MARF1: variants seen among roughly 807,000 people sequenced by gnomAD.
MARF1 encodes the protein meiosis regulator and mRNA stability factor 1, also known as limkain-b1.
A neutral mutation model predicts 168.2 loss-of-function variants in MARF1; 24 were observed. The ratio of observed to expected loss-of-function variants is 0.14; its 90% CI spans 0.10 to 0.20. MARF1 has a LOEUF of 0.20. Ranked by LOEUF, MARF1 falls within the 10% of genes least tolerant of loss-of-function variation. The pLI, the probability that MARF1 is intolerant of heterozygous loss-of-function variation, is 1.00. For missense variants in MARF1, 1,744 were observed against 2,143.6 expected (o/e 0.81, Z 3.68); for synonymous variants, 868 against 822.4 (o/e 1.06, Z -0.95).
At chr16:15,631,287 T>A in intron 6 of MARF1, 94 bp downstream of exon 6, 1 of 843,368 alleles carries the variant, frequency 1.2e-6, no homozygotes. Flanking sequence ...TCAGCCTCTT[T>A]GGGGATACAT....
intron 13 of MARF1, among the ~76,000 whole-genome samples, chr16:15,620,235 G>A (rs1158732279): frequency 1.3e-5 from 2 of 152,144 alleles, no homozygotes; most frequent in East Asian, 3.9e-4. Context: ...GGAAAAATAA[G>A]CACAACACTG....
intron 2 of MARF1, 78 bp downstream of exon 2, chr16:15,639,012 T>C (rs2035775611): frequency 3.5e-6 from 5 of 1,428,754 alleles, no homozygotes; most frequent in Non-Finnish European, 4.8e-6. Context: ...GATGAGAGAC[T>C]GTATCCCAGA....
intron 6 of MARF1, among the ~76,000 whole-genome samples, 200 bp downstream of exon 6, chr16:15,631,181 A>C (rs541656389): frequency 6.6e-6 from 1 of 152,206 alleles, no homozygotes; most frequent in African/African-American, 2.4e-5. Context: ...GTCCCACAAT[A>C]ACTCAAGTTC....
At chr16:15,602,717 A>G (rs764087382) in intron 22 of MARF1, 2 of 447,578 alleles carry the variant, frequency 4.5e-6, no homozygotes, top group Non-Finnish European at 4.5e-6. Context: ...CTTCAGTTCT[A>G]TTTGCAAGTC....
Position 15,596,654 on chromosome 16 carries a change from CAG to C in MARF1, c.*37_*38del. 2 of 1,522,414 alleles carry C rather than the reference CAG, an allele frequency of 1.3e-6. No individual in the cohort carries two copies. The highest frequency in any genetic ancestry group is 1.3e-5 in the South Asian group (1 of 76,520). 94.3% of individuals were successfully genotyped at this position (1,522,414 alleles called of 1,614,324 possible). A position where few individuals can be genotyped will look rare whatever the true frequency, so the allele number is the denominator to read the frequency against. Reference sequence around the variant, plus strand: ...ACCCACTTTTGTGTGCAGAATCAGACAGTGTTTTCCCATCCTAATTCTATATT... The same window carrying C: ...ACCCACTTTTGTGTGCAGAATCAGACTGTTTTCCCATCCTAATTCTATATT... On this transcript the variant is annotated 3_prime_UTR_variant, in exon 27 of 27. Transcript: ENST00000396368.
At chr16:15,612,307 G>T (rs1404805487) in intron 17 of MARF1, among the ~76,000 whole-genome samples, 1 of 152,154 alleles carries the variant, frequency 6.6e-6, no homozygotes, top group African/African-American at 2.4e-5. Flanking sequence ...GATGAAGAAG[G>T]TCTATAGAGC....
intron 3 of MARF1, 102 bp from the exon 4 acceptor site, chr16:15,635,033 T>G: frequency 1.1e-6 from 1 of 934,674 alleles, no homozygotes; most frequent in South Asian, 1.9e-5. Flanking sequence ...TGTTTTACCT[T>G]TCCACTTGCT....
rs1308588440 is a variant in MARF1 at position 15,595,685 on chromosome 16, T to A, written c.*1008A>T. On this transcript the variant is annotated 3_prime_UTR_variant, in exon 27 of 27. Transcript: ENST00000396368. ...GCTTCCCAGCTACCGATACCAGCTT[T>A]AAAATTACAATAACAAGGTTAAGTG... is the stretch of plus-strand genomic sequence containing the variant. The A allele has an allele frequency of 2.6e-5, 4 of 152,188 alleles. No individual in the cohort carries two copies. The highest frequency in any genetic ancestry group is 2.6e-4 in the Admixed American group (4 of 15,288). The allele number at this position is 152,188 out of a possible 1,614,324, so 9.4% of individuals were successfully genotyped here.
rs138854910 is a variant in MARF1 at position 15,613,251 on chromosome 16, G to A, written c.3254-474C>T. Among the ~76,000 whole-genome samples the A allele has an allele frequency of 1.6e-3, 242 of 152,254 alleles. 2 individuals carry two copies. In the Middle Eastern group the frequency reaches 0.017, roughly 11 times the overall value. ...ACCACAGAAAGTGATAATGTTGTAAGATTAGCATGACATAAAAGGGTGTAA... is the reference window on the plus strand; with the variant it reads ...ACCACAGAAAGTGATAATGTTGTAAAATTAGCATGACATAAAAGGGTGTAA... On this transcript the variant is annotated intron_variant, in intron 16 of 26. Coordinates refer to ENST00000396368, the MANE Select transcript of MARF1 (RefSeq NM_014647.4).
intron 7 of MARF1, 107 bp from the exon 8 acceptor site, chr16:15,625,907 G>A (rs2034808707): frequency 3.7e-6 from 3 of 815,818 alleles, no homozygotes; most frequent in Admixed American, 4.8e-5. Context: ...CAACTTTGAA[G>A]AGAAGATGAC....
chr16:15,602,308 G>C, intron 22 of MARF1, 105 bp from the exon 23 acceptor site: 1 of 873,564 alleles, frequency 1.1e-6, no homozygotes, highest in Non-Finnish European at 1.8e-6. Flanking sequence ...TGAAGACGAA[G>C]ACAAAGAAGA....
chr16:15,604,527 C>T (rs1302315636), intron 21 of MARF1, 129 bp from the exon 22 acceptor site: 2 of 649,724 alleles, frequency 3.1e-6, no homozygotes, highest in East Asian at 2.7e-5. Flanking sequence ...TTCTCTTACA[C>T]TGAAATAAAG....
chr16:15,625,291 C>T (rs771738753), intron 8 of MARF1, 81 bp downstream of exon 8: 118 of 1,547,840 alleles, frequency 7.6e-5, no homozygotes, highest in Non-Finnish European at 9.9e-5. Context: ...AAGGGACACG[C>T]CAAAAGCAAG....
chr16:15,601,144 C>T lies in MARF1; in HGVS notation c.4627-443G>A. ...TCTCCCTGATGGTGCCGCTCTCCAT[C>T]TCAGCCAAGCAGAGTGGTAGTAGTG... On this transcript the variant is annotated intron_variant, in intron 23 of 26. Coordinates refer to ENST00000396368, the MANE Select transcript of MARF1 (RefSeq NM_014647.4). 1.1e-5 allele frequency: 5 copies of T among 457,314 alleles called. No individual in the cohort carries two copies. In the Admixed American group the frequency reaches 1.2e-4, roughly 11 times the overall value. The allele number at this position is 457,314 out of a possible 1,614,324, so 28.3% of individuals were successfully genotyped here. A position where few individuals can be genotyped will look rare whatever the true frequency, so the allele number is the denominator to read the frequency against.
At chr16:15,618,325 T>C (rs1396120315) in intron 13 of MARF1, among the ~76,000 whole-genome samples, 1 of 152,146 alleles carries the variant, frequency 6.6e-6, no homozygotes, top group Non-Finnish European at 1.5e-5. Context: ...CCCCTGGTCC[T>C]CTTCCACCTC....
In MARF1 at chr16:15,620,492, A is replaced by G; in HGVS notation, c.2679T>C (p.Cys893=). The change falls in exon 13 of 27, where the codon TGT becomes TGC. Residue 893 remains cysteine (C), a synonymous_variant. Coordinates refer to ENST00000396368, the MANE Select transcript of MARF1 (RefSeq NM_014647.4). ...TMSVLQDAPA[C]CLPLFKFTDI... is the part of the protein sequence containing the mutation. Reference sequence around the variant, plus strand: ...CTGTAAATTTAAACAGAGGCAGGCAACAGGCAGGGGCATCCTGAAGAACAG... The same window carrying G: ...CTGTAAATTTAAACAGAGGCAGGCAGCAGGCAGGGGCATCCTGAAGAACAG... 8 of 1,613,420 alleles carry G rather than the reference A, an allele frequency of 5.0e-6. No homozygotes were observed. The highest frequency in any genetic ancestry group is 6.8e-6 in the Non-Finnish European group (8 of 1,179,610).
chr16:15,630,869 G>A (rs985216551), intron 6 of MARF1, among the ~76,000 whole-genome samples: 3 of 151,656 alleles, frequency 2.0e-5, no homozygotes, highest in African/African-American at 4.8e-5. Flanking sequence ...GGTGGTTCAC[G>A]CCTGTAATCC....
intron 5 of MARF1, among the ~76,000 whole-genome samples, chr16:15,633,175 CCACACACACACA>C (rs140240605): frequency 8.0e-5 from 11 of 136,958 alleles, no homozygotes; most frequent in South Asian, 4.8e-4. Context: ...AAAAAAAACA[CCACACACACACA>C]CACACACACA....
At chr16:15,624,329 A>G (rs888143580) in intron 10 of MARF1, among the ~76,000 whole-genome samples, 2 of 152,228 alleles carry the variant, frequency 1.3e-5, no homozygotes, top group Admixed American at 6.5e-5. Flanking sequence ...CTGTCTCCCA[A>G]GCATCAAGAA....
Sources: gnomAD v4.1 joint callset for allele counts (sites outside exome capture counted in the v4.1 genomes callset) on GRCh38, gnomAD v4.1.1 for gene constraint, MANE v1.5 for transcripts, NCBI Gene and HGNC (gene_info 2026-07-23, HGNC 2026-07-21) for gene names.